SLC13A1: variants seen among roughly 807,000 people sequenced by gnomAD.
SLC13A1 encodes the protein Na(+)/sulfate cotransporter.
In SLC13A1, 65 loss-of-function variants were observed where a neutral mutation model predicts 70.0. The ratio of observed to expected loss-of-function variants is 0.93; its 90% CI spans 0.76 to 1.14. The LOEUF (loss-of-function observed/expected upper bound fraction) is 1.14, where lower values mean the gene tolerates loss of function less well. Ranked by LOEUF, SLC13A1 falls within the 50% of genes most tolerant of loss-of-function variation. The probability of loss-of-function intolerance (pLI) is 0.00; values close to 1 mark genes in which losing one functional copy is unlikely to be tolerated. For synonymous variants in SLC13A1, 275 were observed against 250.5 expected, an observed-to-expected ratio of 1.10 and a Z score of -0.92; for missense variants, 726 against 717.8, an observed-to-expected ratio of 1.01 and a Z score of -0.13.
Position 123,113,946 on chromosome 7 carries a change from A to G in SLC13A1, c.*1572T>C, listed in dbSNP as rs1793086983. ...AAATGACAAGGTCAGTAACAGCTGG[A>G]AAGTGCCAACGAAGATTAAAAATAG... On this transcript the variant is annotated 3_prime_UTR_variant, in exon 15 of 15. Coordinates refer to ENST00000194130, the MANE Select transcript of SLC13A1 (RefSeq NM_022444.4). 6.6e-6 allele frequency: 1 copy of G among 152,068 alleles called. No individual in the cohort carries two copies. The highest frequency in any genetic ancestry group is 2.1e-4 in the South Asian group (1 of 4,822). The allele number at this position is 152,068 out of a possible 1,614,324, so 9.4% of individuals were successfully genotyped here.
At chr7:123,162,798 T>C (rs1208220548) in intron 6 of SLC13A1, among the ~76,000 whole-genome samples, 2 of 152,116 alleles carry the variant, frequency 1.3e-5, no homozygotes, top group Non-Finnish European at 2.9e-5. Context: ...TGTTGTCTTG[T>C]ACAATTGGAT....
At chr7:123,143,753 T>C (rs1406167939) in intron 7 of SLC13A1, among the ~76,000 whole-genome samples, 1 of 152,170 alleles carries the variant, frequency 6.6e-6, no homozygotes, top group Non-Finnish European at 1.5e-5. Context: ...GATGTTAAAT[T>C]GGTGTCCTTG....
intron 8 of SLC13A1, among the ~76,000 whole-genome samples, chr7:123,131,898 A>C (rs992313581): frequency 2.6e-5 from 4 of 152,034 alleles, no homozygotes; most frequent in African/African-American, 9.7e-5. Context: ...TATCTTCTTA[A>C]TTTCTCCTTT....
Position 123,115,336 on chromosome 7 carries a change from C to G in SLC13A1, c.*182G>C. The G allele has an allele frequency of 4.0e-6, 2 of 494,322 alleles. No individual in the cohort carries two copies. The highest frequency in any genetic ancestry group is 6.7e-5 in the East Asian group (2 of 30,012). 30.6% of individuals were successfully genotyped at this position (494,322 alleles called of 1,614,324 possible). ...AAGGCACATAGATGCTCTTTAGTTG[C>G]ACTGCAATAACAAATATGGACTCTG... On this transcript the variant is annotated 3_prime_UTR_variant, in exon 15 of 15. Transcript: ENST00000194130.
At chr7:123,142,757 A>G (rs893085976) in intron 7 of SLC13A1, among the ~76,000 whole-genome samples, 12 of 150,836 alleles carry the variant, frequency 8.0e-5, no homozygotes, top group African/African-American at 2.9e-4. Context: ...AGCTGGGACT[A>G]CAGATATGTG....
intron 13 of SLC13A1, 125 bp from the exon 14 acceptor site, chr7:123,117,733 A>G: frequency 2.0e-6 from 1 of 508,478 alleles, no homozygotes; most frequent in Non-Finnish European, 3.4e-6. Flanking sequence ...ATAAAATTAT[A>G]TAAATTATTG....
At chr7:123,185,472 A>G (rs1795768477) in intron 1 of SLC13A1, among the ~76,000 whole-genome samples, 1 of 152,110 alleles carries the variant, frequency 6.6e-6, no homozygotes, top group Non-Finnish European at 1.5e-5. Flanking sequence ...AGTGAGATAT[A>G]TGGGTCTGAT....
Position 123,199,967 on chromosome 7 carries a change from A to G in SLC13A1, c.-21T>C. ...TTCATTGTCCTGAGCAGGTGGCTTC[A>G]ATAGTGTCCTCCAAATAAAGCAGAT... On this transcript the variant is annotated 5_prime_UTR_variant, in exon 1 of 15. Transcript: ENST00000194130. The G allele has an allele frequency of 6.6e-7, 1 of 1,516,132 alleles. No homozygotes were observed. Among genetic ancestry groups the G allele is most frequent in the Non-Finnish European group, 9.1e-7 (1 of 1,095,028 alleles). 93.9% of individuals were successfully genotyped at this position (1,516,132 alleles called of 1,614,324 possible).
chr7:123,123,029 C>T (rs950643735), intron 12 of SLC13A1, 97 bp downstream of exon 12: 4 of 965,748 alleles, frequency 4.1e-6, no homozygotes, highest in Admixed American at 3.6e-5. Flanking sequence ...ATTAAAATGA[C>T]AGAGTGAAAT....
intron 10 of SLC13A1, among the ~76,000 whole-genome samples, chr7:123,128,134 T>C (rs560405923): frequency 2.4e-4 from 36 of 152,222 alleles, no homozygotes; most frequent in African/African-American, 8.2e-4. Context: ...ATCAGTCCTA[T>C]TATTTCTTCA....
At chr7:123,190,363 A>C in intron 1 of SLC13A1, 1 of 331,258 alleles carries the variant, frequency 3.0e-6, no homozygotes, top group South Asian at 2.4e-5. Flanking sequence ...CCAGGAGACA[A>C]GGCTACCTCA....
chr7:123,149,347 T>C (rs888161652), intron 6 of SLC13A1: 6 of 373,134 alleles, frequency 1.6e-5, no homozygotes, highest in Non-Finnish European at 3.1e-5. Flanking sequence ...TTATAATTTT[T>C]CAAGAATGTG....
chr7:123,184,867 T>C (rs570709982), intron 1 of SLC13A1, among the ~76,000 whole-genome samples: 5 of 152,194 alleles, frequency 3.3e-5, no homozygotes, highest in African/African-American at 1.2e-4. Context: ...CATACAGTAG[T>C]TCTATTTTTA....
At chr7:123,158,768 G>T (rs1794791906) in intron 6 of SLC13A1, among the ~76,000 whole-genome samples, 2 of 151,592 alleles carry the variant, frequency 1.3e-5, no homozygotes, top group African/African-American at 4.8e-5. Flanking sequence ...AAAGCCAAAA[G>T]GCAGTAGAAA....
At chr7:123,148,076 CTT>C (rs1231575552) in intron 6 of SLC13A1, among the ~76,000 whole-genome samples, 1 of 152,144 alleles carries the variant, frequency 6.6e-6, no homozygotes, top group Non-Finnish European at 1.5e-5. Context: ...TCAGTGTCCT[CTT>C]TGCTCCCACT....
In SLC13A1 at chr7:123,129,317, CT is replaced by C. The variant is rs1186212517; in HGVS notation, c.1031+65del. The C allele has an allele frequency of 2.5e-6, 3 of 1,200,972 alleles. No individual in the cohort carries two copies. The Admixed American group carries it at 7.5e-5, about 30-fold the overall frequency. The allele number at this position is 1,200,972 out of a possible 1,614,324, so 74.4% of individuals were successfully genotyped here. A position where few individuals can be genotyped will look rare whatever the true frequency, so the allele number is the denominator to read the frequency against. Reference sequence around the variant, plus strand: ...TACTTGCAGTGTAAACAGCATTTCTCTCTTCTCTGTGTGTGTGTGTGTGTGT... The same window carrying C: ...TACTTGCAGTGTAAACAGCATTTCTCCTTCTCTGTGTGTGTGTGTGTGTGT... On this transcript the variant is annotated intron_variant, in intron 9 of 14. Coordinates refer to ENST00000194130, the MANE Select transcript of SLC13A1 (RefSeq NM_022444.4).
At chr7:123,120,834 G>A (rs1459452240) in intron 12 of SLC13A1, among the ~76,000 whole-genome samples, 2 of 151,982 alleles carry the variant, frequency 1.3e-5, no homozygotes, top group African/African-American at 4.8e-5. Context: ...TTTTATCTAT[G>A]TCTAATTAGA....
At chr7:123,126,669 A>G (rs1278256520) in intron 10 of SLC13A1, among the ~76,000 whole-genome samples, 1 of 152,176 alleles carries the variant, frequency 6.6e-6, no homozygotes, top group Non-Finnish European at 1.5e-5. Flanking sequence ...TTTTTAAAGC[A>G]GTCTACTTTC....
chr7:123,181,621 G>C (rs1795644757), intron 1 of SLC13A1, among the ~76,000 whole-genome samples: 1 of 152,090 alleles, frequency 6.6e-6, no homozygotes, highest in Non-Finnish European at 1.5e-5. Flanking sequence ...GTGTCTCAGA[G>C]AAAAGACATG....
Sources: gnomAD v4.1 joint callset for allele counts (sites outside exome capture counted in the v4.1 genomes callset) on GRCh38, gnomAD v4.1.1 for gene constraint, MANE v1.5 for transcripts, NCBI Gene and HGNC (gene_info 2026-07-23, HGNC 2026-07-21) for gene names.